FAM131C: variants seen among roughly 807,000 people sequenced by gnomAD.
FAM131C encodes the protein protein FAM131C.
In FAM131C, 14 loss-of-function variants were observed where a neutral mutation model predicts 29.8. The ratio of observed to expected loss-of-function variants is 0.47; its 90% CI spans 0.31 to 0.73. FAM131C has a LOEUF of 0.73. FAM131C is among the 30% of genes least tolerant of loss of function. The probability of loss-of-function intolerance (pLI) is 0.05; values close to 1 mark genes in which losing one functional copy is unlikely to be tolerated. For missense variants in FAM131C, 252 were observed against 383.8 expected, an observed-to-expected ratio of 0.66 and a Z score of 2.87; for synonymous variants, 86 against 157.8, an observed-to-expected ratio of 0.54 and a Z score of 3.41.
chr1:16,067,671 A>C (rs2023698164), intron 1 of FAM131C, among the ~76,000 whole-genome samples: 1 of 152,108 alleles, frequency 6.6e-6, no homozygotes, highest in African/African-American at 2.4e-5. Flanking sequence ...CTGCCTTCCT[A>C]TGCCAGCTCC....
intron 6 of FAM131C, 54 bp from the exon 7 acceptor site, chr1:16,058,771 C>T: frequency 1.4e-6 from 2 of 1,439,426 alleles, no homozygotes; most frequent in Non-Finnish European, 1.9e-6. Context: ...AGCTCCTCGC[C>T]CTCTCTGGGG....
chr1:16,073,499 C>G lies in FAM131C; in HGVS notation c.-57G>C, dbSNP rs2023780347. On this transcript the variant is annotated 5_prime_UTR_variant, in exon 1 of 7. It removes an upstream start codon present in the reference 5' UTR. Transcript: ENST00000375662. ...GGGGTGCGTGGGGCCGCGGGGCGTTCATGTCTCCGCGGGCCCGGGGCTGAG... is the reference window on the plus strand; with the variant it reads ...GGGGTGCGTGGGGCCGCGGGGCGTTGATGTCTCCGCGGGCCCGGGGCTGAG... 9.0e-7 allele frequency: 1 copy of G among 1,106,356 alleles called. No individual in the cohort carries two copies. The highest frequency in any genetic ancestry group is 1.1e-6 in the Non-Finnish European group (1 of 885,858). The allele number at this position is 1,106,356 out of a possible 1,614,324, so 68.5% of individuals were successfully genotyped here.
chr1:16,062,680 C>G, intron 2 of FAM131C, 146 bp from the exon 3 acceptor site: 1 of 1,360,226 alleles, frequency 7.4e-7, no homozygotes, highest in Non-Finnish European at 9.9e-7. Context: ...ATGGGTCATG[C>G]TCTGGTGTCC....
Position 16,073,467 on chromosome 1 carries a change from T to A in FAM131C, c.-25A>T, listed in dbSNP as rs2023779951. On this transcript the variant is annotated 5_prime_UTR_variant, in exon 1 of 7. Transcript: ENST00000375662. ...TCACGGGGCCGCGGGGCCGGGCCGCTGCGCCCGGGGTGCGTGGGGCCGCGG... is the reference window on the plus strand; with the variant it reads ...TCACGGGGCCGCGGGGCCGGGCCGCAGCGCCCGGGGTGCGTGGGGCCGCGG... The A allele has an allele frequency of 8.4e-7, 1 of 1,196,978 alleles. No homozygotes were observed. Among genetic ancestry groups the A allele is most frequent in the Non-Finnish European group, 1.0e-6 (1 of 964,522 alleles). The allele number at this position is 1,196,978 out of a possible 1,614,324, so 74.1% of individuals were successfully genotyped here.
chr1:16,063,304 G>T (rs1350165211), intron 2 of FAM131C, among the ~76,000 whole-genome samples: 1 of 143,180 alleles, frequency 7.0e-6, no homozygotes, highest in African/African-American at 2.7e-5. Flanking sequence ...CTTCAGGGTG[G>T]TTGGTCTTCT....
rs1329600591 is a variant in FAM131C at position 16,062,140 on chromosome 1, C to T, written c.227G>A (p.Gly76Asp). Residue 76 changes from glycine (G) to aspartate (D), a missense_variant, in exon 4 of 7, where the codon GGC becomes GAC. By Grantham distance (94) the Gly-to-Asp change is moderately conservative. Coordinates refer to ENST00000375662, the MANE Select transcript of FAM131C (RefSeq NM_182623.3). ...GGCCAGGGCTGCCACGTTGTAGTTG[C>T]CGGGGCGGGATCTGGAGTCGGACAG... is the stretch of plus-strand genomic sequence containing the variant. ...GYLSDSRSRP[G>D]NYNVAALATS... 5.0e-6 allele frequency: 8 copies of T among 1,611,776 alleles called. No individual in the cohort carries two copies. The Admixed American group carries it at 1.3e-4, about 27-fold the overall frequency.
At chr1:16,067,353 CAT>C (rs1488922538) in intron 1 of FAM131C, among the ~76,000 whole-genome samples, 1 of 152,192 alleles carries the variant, frequency 6.6e-6, no homozygotes, top group African/African-American at 2.4e-5. Context: ...CACAGAGTGT[CAT>C]GTGGGGTGGG....
chr1:16,058,225 G>A lies in FAM131C; in HGVS notation c.*212C>T. On this transcript the variant is annotated 3_prime_UTR_variant, in exon 7 of 7. Transcript: ENST00000375662. ...CCCACCTGAGTGAAGTAATGAAGGG[G>A]GAGGGGGTTATGGCTCCCACTGCTG... 1 of 425,388 alleles carries A rather than the reference G, an allele frequency of 2.4e-6. No homozygotes were observed. Among genetic ancestry groups the A allele is most frequent in the Non-Finnish European group, 4.1e-6 (1 of 241,220 alleles). 26.4% of individuals were successfully genotyped at this position (425,388 alleles called of 1,614,324 possible). A position where few individuals can be genotyped will look rare whatever the true frequency, so the allele number is the denominator to read the frequency against.
intron 1 of FAM131C, among the ~76,000 whole-genome samples, chr1:16,064,151 C>T (rs1351954091): frequency 1.3e-5 from 2 of 152,014 alleles, no homozygotes; most frequent in Non-Finnish European, 2.9e-5. Flanking sequence ...CTGCCCGGAT[C>T]CTTCTCTGTT....
Position 16,060,273 on chromosome 1 carries a change from G to A in FAM131C, c.269-222C>T. Among the ~76,000 whole-genome samples the A allele has an allele frequency of 1.7e-5, 2 of 120,530 alleles. 1 individual carries two copies. The highest frequency in any genetic ancestry group is 5.2e-5 in the African/African-American group (2 of 38,446). 79.1% of individuals were successfully genotyped at this position (120,530 alleles called of 152,430 possible). On this transcript the variant is annotated intron_variant, in intron 4 of 6. Coordinates refer to ENST00000375662, the MANE Select transcript of FAM131C (RefSeq NM_182623.3). ...TCCTGCCCTGAGCCCTCCGAGCTCT[G>A]TGGCCCCCTTCCCTTAATGCCCCCA...
At chr1:16,071,873 CCAGTCCTT>C (rs2023753647) in intron 1 of FAM131C, among the ~76,000 whole-genome samples, 1 of 152,192 alleles carries the variant, frequency 6.6e-6, no homozygotes, top group Non-Finnish European at 1.5e-5. Flanking sequence ...AGCTCAAAGG[CCAGTCCTT>C]CTGGGCTGGG....
intron 1 of FAM131C, among the ~76,000 whole-genome samples, chr1:16,071,709 A>G (rs562053688): frequency 6.6e-6 from 1 of 152,328 alleles, no homozygotes; most frequent in South Asian, 2.1e-4. Flanking sequence ...GAGAGAGCGT[A>G]TCTTGGCTGC....
chr1:16,066,677 A>C (rs2023687441), intron 1 of FAM131C, among the ~76,000 whole-genome samples: 1 of 152,266 alleles, frequency 6.6e-6, no homozygotes, highest in Admixed American at 6.5e-5. Context: ...GTTAAGTATT[A>C]CTTTATGAAG....
chr1:16,061,588 C>T (rs74804277), intron 4 of FAM131C, among the ~76,000 whole-genome samples: 55 of 152,262 alleles, frequency 3.6e-4, no homozygotes, highest in African/African-American at 1.2e-3. Context: ...GTCCAGCCCC[C>T]TTGCCTTGGG....
rs139286649 is a variant in FAM131C, at chr1:16,064,399, G to A, written c.23-763C>T. On this transcript the variant is annotated intron_variant, in intron 1 of 6. Transcript: ENST00000375662. ...CTTTCCCTCCTGCAACAAAGGAAGA[G>A]CTGTTCCTGCTGCACCCAAGACCTT... Among the ~76,000 whole-genome samples, 30 of 152,250 alleles carry A rather than the reference G, an allele frequency of 2.0e-4. No homozygotes were observed. In the East Asian group the frequency reaches 5.8e-3, roughly 29 times the overall value.
At chr1:16,067,864 T>C (rs1358869682) in intron 1 of FAM131C, among the ~76,000 whole-genome samples, 1 of 152,172 alleles carries the variant, frequency 6.6e-6, no homozygotes, top group Non-Finnish European at 1.5e-5. Flanking sequence ...TAAGCTGTTC[T>C]CTGGGGCTCC....
intron 1 of FAM131C, 30 bp from the exon 2 acceptor site, chr1:16,063,666 G>T: frequency 6.8e-7 from 1 of 1,462,828 alleles, no homozygotes; most frequent in Non-Finnish European, 9.5e-7. Context: ...GAGGAACTCA[G>T]CAAAGCCCAG....
Position 16,058,533 on chromosome 1 carries a change from C to T in FAM131C, c.747G>A (p.Gly249=), listed in dbSNP as rs1294563437. The T allele has an allele frequency of 4.6e-6, 7 of 1,523,942 alleles. No individual in the cohort carries two copies. The highest frequency in any genetic ancestry group is 6.2e-6 in the Non-Finnish European group (7 of 1,136,258). The allele number at this position is 1,523,942 out of a possible 1,614,324, so 94.4% of individuals were successfully genotyped here. The part of the protein sequence containing the change: ...PELQHRRRLP[G]AQGPEGGTHP... ...GGGTCCCACCCTCGGGTCCTTGGGC[C>T]CCGGGCAGCCGCCGCCGATGCTGCA... is the stretch of plus-strand genomic sequence containing the variant. The change falls in exon 7 of 7, where the codon GGG becomes GGA. Residue 249 remains glycine, a synonymous_variant. Coordinates refer to ENST00000375662, the MANE Select transcript of FAM131C (RefSeq NM_182623.3).
intron 4 of FAM131C, among the ~76,000 whole-genome samples, chr1:16,060,787 C>T (rs940501507): frequency 6.6e-6 from 1 of 152,146 alleles, no homozygotes; most frequent in Non-Finnish European, 1.5e-5. Flanking sequence ...TGGGGAGAAC[C>T]AGGTGGAGGG....
Sources: allele counts gnomAD v4.1 joint callset (sites outside exome capture counted in the v4.1 genomes callset), GRCh38; gene constraint gnomAD v4.1.1; transcripts MANE v1.5; gene names NCBI Gene and HGNC (gene_info 2026-07-23, HGNC 2026-07-21).